The following EXT2 variants were observed in gnomAD, a reference collection of about 807,000 sequenced individuals.
The protein encoded by EXT2 is exostosin-2.
EXT2 carries 53 observed loss-of-function variants against 81.6 expected under a neutral mutation model. That is an observed-to-expected ratio of 0.65 (90% confidence interval 0.52 to 0.82). The LOEUF is 0.82. Among genes scored for constraint, EXT2 ranks in the 40% least tolerant of loss-of-function variants. The pLI, the probability that EXT2 is intolerant of heterozygous loss-of-function variation, is 0.00. For missense variants in EXT2, 774 were observed against 910.2 expected, an observed-to-expected ratio of 0.85 and a Z score of 1.93; for synonymous variants, 320 against 340.0, an observed-to-expected ratio of 0.94 and a Z score of 0.65.
chr11:44,204,004 A>G (rs1955552188), intron 9 of EXT2, among the ~76,000 whole-genome samples: 1 of 152,230 alleles, frequency 6.6e-6, no homozygotes, highest in Admixed American at 6.5e-5. Flanking sequence ...GAAAGCCTGG[A>G]TACAGATGCC....
intron 8 of EXT2, among the ~76,000 whole-genome samples, chr11:44,195,256 G>T (rs1167278277): frequency 2.6e-5 from 4 of 152,146 alleles, no homozygotes; most frequent in African/African-American, 9.6e-5. Flanking sequence ...CCAACATGGA[G>T]AAACCCGGTC....
rs1956089137 is a variant in EXT2 at position 44,245,850 on chromosome 11, A to G, written c.*1563A>G. ...TGAATAAGTGATCGAATCATGGACTATTATTGCCAAAGGGGGCAAGCGATC... is the reference window on the plus strand; with the variant it reads ...TGAATAAGTGATCGAATCATGGACTGTTATTGCCAAAGGGGGCAAGCGATC... On this transcript the variant is annotated 3_prime_UTR_variant, in exon 14 of 14. Transcript: ENST00000533608. Among the ~76,000 whole-genome samples, 2 of 152,238 alleles carry G rather than the reference A, an allele frequency of 1.3e-5. No individual in the cohort carries two copies. The highest frequency in any genetic ancestry group is 6.5e-5 in the Admixed American group (1 of 15,288).
intron 8 of EXT2, among the ~76,000 whole-genome samples, chr11:44,195,613 C>T (rs1480609255): frequency 6.6e-6 from 1 of 152,142 alleles, no homozygotes; most frequent in Non-Finnish European, 1.5e-5. Context: ...GTGTGCATTT[C>T]TCATCCCACA....
intron 4 of EXT2, among the ~76,000 whole-genome samples, chr11:44,117,072 C>T (rs576262959): frequency 1.4e-4 from 21 of 151,588 alleles, no homozygotes; most frequent in East Asian, 1.2e-3. Context: ...CAGATTCAAG[C>T]GATTCTCCTG....
chr11:44,103,723 T>A (rs1258334080), intron 1 of EXT2: 1 of 403,858 alleles, frequency 2.5e-6, no homozygotes, highest in East Asian at 7.6e-5. Context: ...TCAGAGTTGC[T>A]GTTTCTCCTT....
intron 1 of EXT2, among the ~76,000 whole-genome samples, chr11:44,097,255 A>AC (rs1953911970): frequency 6.6e-6 from 1 of 152,226 alleles, no homozygotes; most frequent in South Asian, 2.1e-4. Flanking sequence ...ATGTAATGAC[A>AC]CACATTGTCT....
intron 7 of EXT2, among the ~76,000 whole-genome samples, chr11:44,153,352 AT>A (rs1565214049): frequency 6.6e-6 from 1 of 152,168 alleles, no homozygotes. Flanking sequence ...TGATTTTTGT[AT>A]ATTAAACTTA....
At position 44,131,887 on chromosome 11, in the gene EXT2, G is replaced by A. The variant is rs1470281745; in HGVS notation, c.1173+1749G>A. 3.9e-5 allele frequency among the ~76,000 whole-genome samples: 6 copies of A among 152,192 alleles called. No homozygotes were observed. In the South Asian group the frequency reaches 6.2e-4, roughly 16 times the overall value. On this transcript the variant is annotated intron_variant, in intron 7 of 13. Coordinates refer to ENST00000533608, the MANE Select transcript of EXT2 (RefSeq NM_207122.2). ...CGAGTAGCTGGGACTACAGGCACGCGCCACCATGCCCGGCTAATTTTGGTA... is the reference window on the plus strand; with the variant it reads ...CGAGTAGCTGGGACTACAGGCACGCACCACCATGCCCGGCTAATTTTGGTA...
intron 9 of EXT2, among the ~76,000 whole-genome samples, chr11:44,199,458 T>C (rs1955496858): frequency 6.6e-6 from 1 of 152,360 alleles, no homozygotes; most frequent in African/African-American, 2.4e-5. Context: ...GGCCTCTCAT[T>C]GGGTCTGGAG....
rs375631121 is a variant in EXT2, at chr11:44,250,499, C to T, written c.*6212C>T. The stretch of plus-strand genomic sequence containing the variant: ...CCTGGTGATGCTGGCAGCCAGCCCT[C>T]TTCCGGCCCCTATTTCTGCTTACCG... On this transcript the variant is annotated 3_prime_UTR_variant, in exon 14 of 14. Transcript: ENST00000533608. Among the ~76,000 whole-genome samples the T allele has an allele frequency of 6.6e-6, 1 of 152,234 alleles. No homozygotes were observed. Among genetic ancestry groups the T allele is most frequent in the East Asian group, 1.9e-4 (1 of 5,198 alleles).
chr11:44,140,614 C>G (rs751667326), intron 7 of EXT2, among the ~76,000 whole-genome samples: 2 of 152,168 alleles, frequency 1.3e-5, no homozygotes, highest in Non-Finnish European at 2.9e-5. Flanking sequence ...GAATGTTTTT[C>G]CAGGCATTTT....
At chr11:44,168,526 C>T (rs887910896) in intron 7 of EXT2, among the ~76,000 whole-genome samples, 19 of 152,120 alleles carry the variant, frequency 1.2e-4, no homozygotes, top group Admixed American at 1.2e-3. Flanking sequence ...ATACAAAGGG[C>T]CACACCTAGG....
rs1001830763 is a variant in EXT2 at position 44,248,178 on chromosome 11, T to C, written c.*3891T>C. On this transcript the variant is annotated 3_prime_UTR_variant, in exon 14 of 14. Coordinates refer to ENST00000533608, the MANE Select transcript of EXT2 (RefSeq NM_207122.2). ...TCCATTTCTCTTGGCTCGGGTACTC[T>C]TCCATTGCAGCAAGAGAAGCCACAG... Among the ~76,000 whole-genome samples the C allele has an allele frequency of 2.6e-5, 4 of 152,254 alleles. No individual in the cohort carries two copies. Among genetic ancestry groups the C allele is most frequent in the East Asian group, 3.9e-4 (2 of 5,176 alleles).
At chr11:44,211,735 T>C (rs1388451254) in intron 10 of EXT2, among the ~76,000 whole-genome samples, 1 of 152,206 alleles carries the variant, frequency 6.6e-6, no homozygotes, top group African/African-American at 2.4e-5. Flanking sequence ...TAATAACATA[T>C]GTTATATTTC....
chr11:44,223,174 T>G (rs575559806), intron 10 of EXT2, among the ~76,000 whole-genome samples: 1 of 152,364 alleles, frequency 6.6e-6, no homozygotes, highest in Admixed American at 6.5e-5. Context: ...TCATATATTG[T>G]TTTTGGAAAT....
intron 7 of EXT2, 22 bp downstream of exon 7, chr11:44,130,160 A>T (rs768634214): frequency 6.3e-7 from 1 of 1,591,116 alleles, no homozygotes; most frequent in South Asian, 1.1e-5. Flanking sequence ...AGTCTTGGGG[A>T]GGTGACATGG....
At position 44,206,822 on chromosome 11, in the gene EXT2, T is replaced by C. The variant is rs747668466; in HGVS notation, c.1525T>C (p.Leu509=). The change falls in exon 10 of 14, where the codon TTA becomes CTA. Residue 509 remains leucine (L), a synonymous_variant. Transcript: ENST00000533608. Reference sequence around the variant, plus strand: ...TCTCTGGCCCAAAATCCGGGTTCCATTAAAAGTTGTGAGGACTGCTGAAAA... The same window carrying C: ...TCTCTGGCCCAAAATCCGGGTTCCACTAAAAGTTGTGAGGACTGCTGAAAA... The part of the protein sequence containing the change: ...DSLWPKIRVP[L]KVVRTAENKL... 5 of 1,613,952 alleles carry C rather than the reference T, an allele frequency of 3.1e-6. No homozygotes were observed. In the East Asian group the frequency reaches 8.9e-5, roughly 29 times the overall value.
At chr11:44,106,913 G>A (rs1196808714) in intron 1 of EXT2, among the ~76,000 whole-genome samples, 1 of 152,188 alleles carries the variant, frequency 6.6e-6, no homozygotes. Context: ...ATAGACGTGA[G>A]CCACCGCACA....
chr11:44,182,390 A>G (rs1955247829), intron 8 of EXT2, among the ~76,000 whole-genome samples: 1 of 151,558 alleles, frequency 6.6e-6, no homozygotes, highest in African/African-American at 2.4e-5. Flanking sequence ...TCTGAGTTTT[A>G]TTATCATTAT....
Sources: gnomAD v4.1 joint callset for allele counts (sites outside exome capture counted in the v4.1 genomes callset) on GRCh38, gnomAD v4.1.1 for gene constraint, MANE v1.5 for transcripts, NCBI Gene and HGNC (gene_info 2026-07-23, HGNC 2026-07-21) for gene names.